KCNQ5: variants seen among roughly 807,000 people sequenced by gnomAD.
The protein encoded by KCNQ5 is potassium voltage-gated channel subfamily Q member 5, also known as potassium voltage-gated channel subfamily KQT member 5.
In KCNQ5, 30 loss-of-function variants were observed where a neutral mutation model predicts 98.2. That is an observed-to-expected ratio of 0.31 (90% confidence interval 0.23 to 0.41). The LOEUF is 0.41. Ranked by LOEUF, KCNQ5 falls within the 10% of genes least tolerant of loss-of-function variation. KCNQ5 has a pLI of 1.00. For synonymous variants in KCNQ5, 458 were observed against 449.4 expected (o/e 1.02, Z -0.24); for missense variants, 835 against 1,182.5 (o/e 0.71, Z 4.31).
At chr6:73,153,301 TTTCTC>T (rs1303818139) in intron 10 of KCNQ5, among the ~76,000 whole-genome samples, 2 of 152,182 alleles carry the variant, frequency 1.3e-5, no homozygotes, top group Non-Finnish European at 2.9e-5. Context: ...CTCCTTTCCT[TTTCTC>T]TTCTTTTATG....
At chr6:72,628,544 G>A (rs757400641) in intron 1 of KCNQ5, among the ~76,000 whole-genome samples, 58 of 152,106 alleles carry the variant, frequency 3.8e-4, no homozygotes, top group Non-Finnish European at 6.6e-4. Flanking sequence ...TTAACTAGTT[G>A]CTTTAACTTA....
At chr6:72,662,875 T>C (rs550549706) in intron 1 of KCNQ5, among the ~76,000 whole-genome samples, 3 of 152,202 alleles carry the variant, frequency 2.0e-5, no homozygotes, top group Non-Finnish European at 4.4e-5. Context: ...TAAACCGCAT[T>C]TATTGCTTAT....
chr6:72,952,536 A>G (rs1410664738), intron 1 of KCNQ5, among the ~76,000 whole-genome samples: 1 of 152,226 alleles, frequency 6.6e-6, no homozygotes, highest in Non-Finnish European at 1.5e-5. Flanking sequence ...AAATATTTTT[A>G]TAGTGGTGTA....
At chr6:73,069,117 T>C (rs1773196981) in intron 3 of KCNQ5, among the ~76,000 whole-genome samples, 1 of 152,214 alleles carries the variant, frequency 6.6e-6, no homozygotes, top group Admixed American at 6.5e-5. Flanking sequence ...AACTTTTTTA[T>C]ATATTAATTA....
chr6:72,956,496 T>C (rs1767064014), intron 1 of KCNQ5, among the ~76,000 whole-genome samples: 1 of 150,308 alleles, frequency 6.7e-6, no homozygotes, highest in Non-Finnish European at 1.5e-5. Flanking sequence ...TTTCTTTTTT[T>C]TTTTTTTTTT....
At chr6:73,050,313 AGGG>A (rs1772174213) in intron 3 of KCNQ5, among the ~76,000 whole-genome samples, 2 of 91,248 alleles carry the variant, frequency 2.2e-5, no homozygotes, top group South Asian at 3.9e-4. Flanking sequence ...GAAGGAAGGG[AGGG>A]AAGAAGGAAG....
At chr6:73,101,359 C>G (rs1478997704) in intron 5 of KCNQ5, among the ~76,000 whole-genome samples, 9 of 152,020 alleles carry the variant, frequency 5.9e-5, no homozygotes, top group Non-Finnish European at 4.4e-5. Context: ...AACAAAGATG[C>G]TCATTTTCAC....
intron 1 of KCNQ5, among the ~76,000 whole-genome samples, chr6:72,779,821 CTGTGTGTGTGTGTGTGTGTG>C (rs35526812): frequency 0.034 from 4,307 of 124,866 alleles, 140 homozygotes; most frequent in South Asian, 0.056. Context: ...ATTTAATTTT[CTGTGTGTGTGTGTGTGTGTG>C]TGTGTGTGTG....
chr6:73,092,957 T>C (rs1162249137), intron 5 of KCNQ5, among the ~76,000 whole-genome samples: 2 of 152,110 alleles, frequency 1.3e-5, no homozygotes, highest in Admixed American at 1.3e-4. Context: ...CTTCTTTATC[T>C]TGTGGAATAG....
intron 10 of KCNQ5, among the ~76,000 whole-genome samples, chr6:73,147,772 G>A (rs1246511537): frequency 3.9e-5 from 6 of 152,174 alleles, no homozygotes; most frequent in African/African-American, 9.6e-5. Flanking sequence ...AAAATTGTTT[G>A]GGGGTTTTAA....
rs971819071 is a variant in KCNQ5, at chr6:72,864,718, G to C, written c.399-139190G>C. On this transcript the variant is annotated intron_variant, in intron 1 of 13. Coordinates refer to ENST00000370398, the MANE Select transcript of KCNQ5 (RefSeq NM_019842.4). ...CCTAAAAGTCTTAGCACAATTTTAG[G>C]CTTGACTAATTTAGAAATATAAGTG... Among the ~76,000 whole-genome samples, 18 of 151,662 alleles carry C rather than the reference G, an allele frequency of 1.2e-4. 1 individual carries two copies. Among genetic ancestry groups the C allele is most frequent in the African/African-American group, 4.1e-4 (17 of 41,240 alleles).
At chr6:72,682,330 T>A (rs1205638023) in intron 1 of KCNQ5, among the ~76,000 whole-genome samples, 2 of 152,242 alleles carry the variant, frequency 1.3e-5, no homozygotes, top group Non-Finnish European at 2.9e-5. Flanking sequence ...ACTCCCTGCC[T>A]GACCCTTAAA....
chr6:73,193,915 C>T (rs1765691160), intron 13 of KCNQ5, among the ~76,000 whole-genome samples: 1 of 150,206 alleles, frequency 6.7e-6, no homozygotes, highest in Non-Finnish European at 1.5e-5. Context: ...TGGCTCACTG[C>T]AGCCTCTACC....
Position 73,101,780 on chromosome 6 carries a change from T to A in KCNQ5, c.919-3477T>A, listed in dbSNP as rs1774787085. On this transcript the variant is annotated intron_variant, in intron 5 of 13. Coordinates refer to ENST00000370398, the MANE Select transcript of KCNQ5 (RefSeq NM_019842.4). ...CAAAAAAAGGAAAGATATTTCATGT[T>A]CATGGATTAGAATAATCATTATTGT... Among the ~76,000 whole-genome samples, 3 of 152,170 alleles carry A rather than the reference T, an allele frequency of 2.0e-5. No homozygotes were observed. The South Asian group carries it at 6.2e-4, about 32-fold the overall frequency.
At chr6:72,906,257 G>A (rs546013136) in intron 1 of KCNQ5, among the ~76,000 whole-genome samples, 2 of 152,306 alleles carry the variant, frequency 1.3e-5, no homozygotes, top group East Asian at 3.9e-4. Context: ...GCCCCTGCTA[G>A]CAGCACTGAG....
chr6:72,854,752 C>T (rs79367102), intron 1 of KCNQ5, among the ~76,000 whole-genome samples: 38 of 81,114 alleles, frequency 4.7e-4, no homozygotes, highest in Admixed American at 3.3e-3. Flanking sequence ...ACACACACAC[C>T]ATGGTTTGTG....
intron 1 of KCNQ5, among the ~76,000 whole-genome samples, chr6:72,869,988 G>C (rs1325162115): frequency 6.6e-6 from 1 of 152,200 alleles, no homozygotes; most frequent in Non-Finnish European, 1.5e-5. Context: ...CAAAATTGCT[G>C]CATTGAAAAG....
chr6:73,123,314 A>G (rs1384981281), intron 8 of KCNQ5, among the ~76,000 whole-genome samples: 3 of 152,146 alleles, frequency 2.0e-5, no homozygotes, highest in Admixed American at 6.6e-5. Context: ...CAGGGGGAAG[A>G]TCAATTTATC....
At chr6:73,120,602 A>T in intron 8 of KCNQ5, 25 bp downstream of exon 8, 4 of 1,489,934 alleles carry the variant, frequency 2.7e-6, no homozygotes, top group Non-Finnish European at 3.7e-6. Context: ...GACAGCTGCC[A>T]CTGTAGTTGA....
Sources: allele counts gnomAD v4.1 joint callset (sites outside exome capture counted in the v4.1 genomes callset), GRCh38; gene constraint gnomAD v4.1.1; transcripts MANE v1.5; gene names NCBI Gene and HGNC (gene_info 2026-07-23, HGNC 2026-07-21).